Variants in NPAS2 observed in about 807,000 individuals in gnomAD.
NPAS2 encodes the protein neuronal PAS domain protein 2, also known as neuronal PAS domain-containing protein 2.
NPAS2 carries 23 observed loss-of-function variants against 107.5 expected under a neutral mutation model. That is an observed-to-expected ratio of 0.21 (90% CI 0.15 to 0.30). NPAS2 has a LOEUF of 0.30. NPAS2 is among the 10% of genes least tolerant of loss of function. NPAS2 has a pLI of 1.00. For missense variants in NPAS2, 756 were observed against 1,043.3 expected, an observed-to-expected ratio of 0.72 and a Z score of 3.79; for synonymous variants, 403 against 417.5, an observed-to-expected ratio of 0.97 and a Z score of 0.42.
intron 2 of NPAS2, among the ~76,000 whole-genome samples, chr2:100,917,509 C>CT (rs1284772922): frequency 6.6e-6 from 1 of 152,012 alleles, no homozygotes; most frequent in Non-Finnish European, 1.5e-5. Flanking sequence ...GCCTGGGTGA[C>CT]AAGAGCGAAA....
intron 1 of NPAS2, among the ~76,000 whole-genome samples, chr2:100,826,888 A>G (rs192310944): frequency 1.6e-4 from 25 of 152,290 alleles, no homozygotes; most frequent in Middle Eastern, 6.8e-3. Context: ...GTGCATTTTC[A>G]CATGTTTGAG....
At position 100,853,598 on chromosome 2, in the gene NPAS2, G is replaced by A. The variant is rs143290869; in HGVS notation, c.-23+33184G>A. 3.4e-3 allele frequency among the ~76,000 whole-genome samples: 512 copies of A among 152,286 alleles called. 4 individuals carry two copies. Among genetic ancestry groups the A allele is most frequent in the African/African-American group, 0.012 (481 of 41,558 alleles). On this transcript the variant is annotated intron_variant, in intron 1 of 20. Transcript: ENST00000335681. ...CTGAAAGGTCAGTGTTTTAGAACAG[G>A]CTTTTCACATGGTTCACCAGGAGGC...
intron 2 of NPAS2, among the ~76,000 whole-genome samples, chr2:100,919,866 T>C (rs571938797): frequency 6.6e-6 from 1 of 152,084 alleles, no homozygotes; most frequent in African/African-American, 2.4e-5. Flanking sequence ...CCCTCCTTGG[T>C]GAGCACCCTT....
rs369922971 is a variant in NPAS2, at chr2:100,937,877, C to T, written c.363+35C>T. The T allele has an allele frequency of 2.7e-5, 39 of 1,435,826 alleles. No individual in the cohort carries two copies. The East Asian group carries it at 5.0e-4, about 18-fold the overall frequency. The allele number at this position is 1,435,826 out of a possible 1,614,324, so 88.9% of individuals were successfully genotyped here. A position where few individuals can be genotyped will look rare whatever the true frequency, so the allele number is the denominator to read the frequency against. On this transcript the variant is annotated intron_variant, in intron 5 of 20. Transcript: ENST00000335681. ...CACTCCAATGGCCTTTACCGGTTCA[C>T]GTTACCATGTTTCTGTTGAGAATCA...
chr2:100,915,918 T>C (rs1363333527), intron 2 of NPAS2, among the ~76,000 whole-genome samples: 1 of 152,158 alleles, frequency 6.6e-6, no homozygotes, highest in Non-Finnish European at 1.5e-5. Flanking sequence ...TTAGTGTATG[T>C]ATAGATAGTA....
At chr2:100,910,964 CT>C (rs1682511765) in intron 2 of NPAS2, among the ~76,000 whole-genome samples, 1 of 152,174 alleles carries the variant, frequency 6.6e-6, no homozygotes, top group South Asian at 2.1e-4. Context: ...GACTCTAAGC[CT>C]GGGCACAGGA....
chr2:100,951,126 G>A (rs1212821176), intron 7 of NPAS2, among the ~76,000 whole-genome samples: 1 of 152,162 alleles, frequency 6.6e-6, no homozygotes, highest in South Asian at 2.1e-4. Flanking sequence ...GTACTGTGGG[G>A]TTCTGGTTCC....
chr2:100,881,964 C>T (rs1311444413), intron 1 of NPAS2, among the ~76,000 whole-genome samples: 2 of 152,226 alleles, frequency 1.3e-5, no homozygotes, highest in African/African-American at 2.4e-5. Context: ...GGAGCCCAGG[C>T]TGGGTAATTA....
chr2:100,949,107 A>G (rs1675072104), intron 6 of NPAS2, among the ~76,000 whole-genome samples: 1 of 152,230 alleles, frequency 6.6e-6, no homozygotes, highest in Admixed American at 6.5e-5. Flanking sequence ...ATCAATGCCA[A>G]CATTACCAAC....
rs1267872818 is a variant in NPAS2, at chr2:100,985,995, C to T, written c.1630-2084C>T. 3 of 152,164 alleles carry T rather than the reference C, an allele frequency of 2.0e-5. No individual in the cohort carries two copies. The East Asian group carries it at 5.8e-4, about 29-fold the overall frequency. 9.4% of individuals were successfully genotyped at this position (152,164 alleles called of 1,614,324 possible). On this transcript the variant is annotated intron_variant, in intron 16 of 20. Coordinates refer to ENST00000335681, the MANE Select transcript of NPAS2 (RefSeq NM_002518.4). ...AAAAACGCATGGTAATTGGGTTTGA[C>T]TACTAGGTTTTTGCTGAAGTGATGA...
At chr2:100,898,567 G>A (rs1293236438) in intron 1 of NPAS2, among the ~76,000 whole-genome samples, 6 of 152,180 alleles carry the variant, frequency 3.9e-5, no homozygotes, top group African/African-American at 1.4e-4. Context: ...GAAACATGGA[G>A]TTAGTTTGTT....
At chr2:100,872,807 C>T (rs1320812553) in intron 1 of NPAS2, among the ~76,000 whole-genome samples, 1 of 152,094 alleles carries the variant, frequency 6.6e-6, no homozygotes, top group Non-Finnish European at 1.5e-5. Flanking sequence ...CAAGACTCAG[C>T]ATCCACCTCC....
chr2:100,973,035 C>T (rs6543001), intron 12 of NPAS2, among the ~76,000 whole-genome samples: 4,592 of 152,146 alleles, frequency 0.03, 150 homozygotes, highest in South Asian at 0.15. Context: ...AAAAATTAGC[C>T]GGGCATGGTG....
intron 1 of NPAS2, among the ~76,000 whole-genome samples, chr2:100,842,751 G>A (rs560928481): frequency 6.6e-6 from 1 of 152,282 alleles, no homozygotes; most frequent in Non-Finnish European, 1.5e-5. Flanking sequence ...CAGGTGCATT[G>A]TTGACAACAG....
chr2:100,857,601 G>C (rs763048436), intron 1 of NPAS2, among the ~76,000 whole-genome samples: 2 of 152,190 alleles, frequency 1.3e-5, no homozygotes, highest in East Asian at 3.9e-4. Context: ...GTGTTTCAGG[G>C]AGGGTTCTAA....
chr2:100,826,362 A>C (rs905608261), intron 1 of NPAS2, among the ~76,000 whole-genome samples: 7 of 152,160 alleles, frequency 4.6e-5, no homozygotes, highest in Non-Finnish European at 2.9e-5. Flanking sequence ...GAATCACTTG[A>C]ACCAGCGAGT....
chr2:100,968,967 G>A lies in NPAS2; in HGVS notation c.1055+539G>A, dbSNP rs949546670. Among the ~76,000 whole-genome samples the A allele has an allele frequency of 1.3e-5, 2 of 152,196 alleles. No homozygotes were observed. The highest frequency in any genetic ancestry group is 2.9e-5 in the Non-Finnish European group (2 of 68,024). On this transcript the variant is annotated intron_variant, in intron 11 of 20. Coordinates refer to ENST00000335681, the MANE Select transcript of NPAS2 (RefSeq NM_002518.4). This position sits in a 1 kb window ranked among gnomAD's most constrained non-coding sequence, Gnocchi z 5.3. ...CTGGCCTCAGGGAGCCCTCCACCCAGGGCGGGTGAGCAGGACTTTAAAGAG... is the reference window on the plus strand; with the variant it reads ...CTGGCCTCAGGGAGCCCTCCACCCAAGGCGGGTGAGCAGGACTTTAAAGAG...
chr2:100,900,601 A>G (rs1248931896), intron 1 of NPAS2, among the ~76,000 whole-genome samples: 1 of 152,204 alleles, frequency 6.6e-6, no homozygotes, highest in Non-Finnish European at 1.5e-5. Flanking sequence ...TTATTTCCAC[A>G]GAGACTTCTA....
chr2:100,897,939 C>T (rs1681518984), intron 1 of NPAS2, among the ~76,000 whole-genome samples: 1 of 152,206 alleles, frequency 6.6e-6, no homozygotes, highest in African/African-American at 2.4e-5. Flanking sequence ...ATACATTCTC[C>T]TGCCTCATCA....
Sources: allele counts gnomAD v4.1 joint callset (sites outside exome capture counted in the v4.1 genomes callset), GRCh38; gene constraint gnomAD v4.1.1; non-coding constraint Gnocchi (gnomAD v3.1); transcripts MANE v1.5; gene names NCBI Gene and HGNC (gene_info 2026-07-23, HGNC 2026-07-21).